The following ZNF519 variants were observed in gnomAD, a reference collection of about 807,000 sequenced individuals.
ZNF519 encodes the protein zinc finger protein 519.
ZNF519 carries 7 observed loss-of-function variants against 7.4 expected under a neutral mutation model. The observed-to-expected ratio is 0.94, with a 90% CI of 0.54 to 1.77. The LOEUF (loss-of-function observed/expected upper bound fraction) is 1.77. Ranked by LOEUF, ZNF519 falls within the 40% of genes most tolerant of loss-of-function variation. The pLI, the probability that ZNF519 is intolerant of heterozygous loss-of-function variation, is 0.00. For synonymous variants in ZNF519, 179 were observed against 203.3 expected, an observed-to-expected ratio of 0.88 and a Z score of 1.02; for missense variants, 586 against 623.1, an observed-to-expected ratio of 0.94 and a Z score of 0.63.
downstream of ZNF519, among the ~76,000 whole-genome samples, chr18:14,096,505 C>T (rs2046137478): frequency 6.6e-6 from 1 of 152,064 alleles, no homozygotes; most frequent in African/African-American, 2.4e-5. Flanking sequence ...TCATATGTCC[C>T]ACTTTTTAAA....
At chr18:14,097,425 C>G (rs996843254), downstream of ZNF519, among the ~76,000 whole-genome samples, 1 of 152,094 alleles carries the variant, frequency 6.6e-6, no homozygotes, top group African/African-American at 2.4e-5. Context: ...GCAGCCTGTG[C>G]CCACATCATC....
rs929687534 is a variant in ZNF519, at chr18:14,100,870, T to C, written c.*4047A>G. 3 of 152,242 alleles carry C rather than the reference T, an allele frequency of 2.0e-5. No individual in the cohort carries two copies. Among genetic ancestry groups the C allele is most frequent in the Admixed American group, 6.5e-5 (1 of 15,284 alleles). The allele number at this position is 152,242 out of a possible 1,614,324, so 9.4% of individuals were successfully genotyped here. On this transcript the variant is annotated 3_prime_UTR_variant, in exon 3 of 3. Coordinates refer to ENST00000590202, the MANE Select transcript of ZNF519 (RefSeq NM_145287.4). ...TAGTTTTGATATTTTTATAATCTTA[T>C]ATCTTACTATAGTTTTCTAGAGTTT...
chr18:14,120,212 TG>T (rs1371558272), intron 2 of ZNF519, among the ~76,000 whole-genome samples: 1 of 151,994 alleles, frequency 6.6e-6, no homozygotes, highest in African/African-American at 2.4e-5. Context: ...CAAAAACCAA[TG>T]GAACATAATA....
chr18:14,107,047 G>C (rs1395548809), intron 2 of ZNF519, among the ~76,000 whole-genome samples: 2 of 152,088 alleles, frequency 1.3e-5, no homozygotes, highest in Admixed American at 1.3e-4. Flanking sequence ...CAACTCCCAG[G>C]TGAGTCCTAG....
rs1215279766 is a variant in ZNF519 at position 14,124,417 on chromosome 18, T to C, written c.63A>G (p.Leu21=). The stretch of plus-strand genomic sequence containing the variant: ...TATATAAATTCTGTTGGGCAGGGTC[T>C]AGGCATTTCCACTCTTCTGGAGAGA... ...IEFSPEEWKC[L]DPAQQNLYRD... is the part of the protein sequence containing the mutation. The change falls in exon 2 of 3, where the codon CTA becomes CTG. Residue 21 remains leucine, a synonymous_variant. Coordinates refer to ENST00000590202, the MANE Select transcript of ZNF519 (RefSeq NM_145287.4). 1.9e-6 allele frequency: 3 copies of C among 1,613,174 alleles called. No homozygotes were observed. Among genetic ancestry groups the C allele is most frequent in the East Asian group, 2.2e-5 (1 of 44,846 alleles).
chr18:14,085,448 G>A (rs1403154177), intron 2 of ZNF519, among the ~76,000 whole-genome samples: 2 of 152,036 alleles, frequency 1.3e-5, no homozygotes, highest in East Asian at 1.9e-4. Flanking sequence ...TTTAAGAGAG[G>A]AAGGGGTGAG....
At chr18:14,095,654 A>C (rs975214101), downstream of ZNF519, among the ~76,000 whole-genome samples, 1 of 152,200 alleles carries the variant, frequency 6.6e-6, no homozygotes, top group Non-Finnish European at 1.5e-5. Context: ...CAGCAGCTCT[A>C]TCTGTGGGCA....
At chr18:14,098,417 C>T (rs1157895531), downstream of ZNF519, among the ~76,000 whole-genome samples, 2 of 152,108 alleles carry the variant, frequency 1.3e-5, no homozygotes, top group African/African-American at 4.8e-5. Context: ...GCCTTGGCCT[C>T]CCAAAGTGCT....
chr18:14,123,218 T>TAAAAAAAAAA (rs34503801), intron 2 of ZNF519: 1 of 143,636 alleles, frequency 7.0e-6, no homozygotes, highest in East Asian at 2.1e-4. Context: ...CTTGTTTTAT[T>TAAAAAAAAAA]AAAAAAAAAA....
chr18:14,112,572 T>C (rs75936709), intron 2 of ZNF519, among the ~76,000 whole-genome samples: 18,860 of 152,108 alleles, frequency 0.12, 1,776 homozygotes, highest in East Asian at 0.48. Flanking sequence ...TAAAACACTA[T>C]TAGAACTCAT....
intron 2 of ZNF519, 124 bp from the exon 3 acceptor site, chr18:14,106,533 A>G: frequency 1.3e-6 from 1 of 774,362 alleles, no homozygotes; most frequent in Non-Finnish European, 1.9e-6. Flanking sequence ...GAAAACCAAG[A>G]AAGGACAGAG....
At chr18:14,128,666 C>G (rs1223432435) in intron 1 of ZNF519, among the ~76,000 whole-genome samples, 2 of 141,296 alleles carry the variant, frequency 1.4e-5, no homozygotes, top group African/African-American at 5.3e-5. Flanking sequence ...TTCCCAGGTC[C>G]TAGATTAAGA....
rs755350287 is a variant in ZNF519, at chr18:14,105,264, G to A, written c.1276C>T (p.His426Tyr). ...CATTTGAAGTGTTTCTCTCCAGTAT[G>A]GATTCTCTGATGTTGAGTAAGGTGT... ...ASHLTQHQRI[H>Y]TGEKHFKCKE... Residue 426 changes from histidine (H) to tyrosine (Y), a missense_variant, in exon 3 of 3, where the codon CAT (histidine) becomes TAT (tyrosine). Physicochemically the swap from His to Tyr is moderately conservative, Grantham distance 83. Coordinates refer to ENST00000590202, the MANE Select transcript of ZNF519 (RefSeq NM_145287.4). 6.2e-7 allele frequency: 1 copy of A among 1,613,452 alleles called. No individual in the cohort carries two copies. The highest frequency in any genetic ancestry group is 8.5e-7 in the Non-Finnish European group (1 of 1,179,566).
At chr18:14,128,149 C>T (rs1056249463) in intron 1 of ZNF519, among the ~76,000 whole-genome samples, 6 of 151,728 alleles carry the variant, frequency 4.0e-5, no homozygotes, top group East Asian at 1.9e-4. Flanking sequence ...AAAAATTAGC[C>T]GGGTGTGGTG....
At chr18:14,099,272 TCTTC>T (rs36204684), downstream of ZNF519, among the ~76,000 whole-genome samples, 3,344 of 152,212 alleles carry the variant, frequency 0.022, 122 homozygotes, top group African/African-American at 0.074. Flanking sequence ...AAAAAATACT[TCTTC>T]CTTATTTGCT....
chr18:14,085,214 T>C (rs1034989273), intron 2 of ZNF519: 4 of 152,184 alleles, frequency 2.6e-5, no homozygotes, highest in African/African-American at 9.7e-5. Flanking sequence ...GAATACATGA[T>C]AAACTTTATT....
downstream of ZNF519, chr18:14,071,560 TA>T (rs2046028464): frequency 6.6e-6 from 1 of 152,228 alleles, no homozygotes. Flanking sequence ...ATATTACGAT[TA>T]TAAAGTGTTC....
intron 2 of ZNF519, among the ~76,000 whole-genome samples, chr18:14,111,387 T>C (rs764129637): frequency 2.2e-4 from 33 of 150,482 alleles, no homozygotes; most frequent in Non-Finnish European, 4.6e-4. Context: ...GCACCTGTAA[T>C]CCCACCTACT....
At chr18:14,073,895 C>T (rs1368687456), downstream of ZNF519, 15 of 152,190 alleles carry the variant, frequency 9.9e-5, no homozygotes, top group Admixed American at 7.9e-4. Context: ...TTTCCTTTCT[C>T]GAAGGCAAAC....
Sources: allele counts gnomAD v4.1 joint callset (sites outside exome capture counted in the v4.1 genomes callset), GRCh38; gene constraint gnomAD v4.1.1; transcripts MANE v1.5; gene names NCBI Gene and HGNC (gene_info 2026-07-23, HGNC 2026-07-21).